INTS2: variants seen among roughly 807,000 people sequenced by gnomAD.
INTS2 encodes integrator complex subunit 2, also known as KIAA1287.
INTS2 carries 57 observed loss-of-function variants against 139.6 expected under a neutral mutation model. The ratio of observed to expected loss-of-function variants is 0.41; its 90% CI spans 0.33 to 0.51. INTS2 has a LOEUF of 0.51. Ranked by LOEUF, INTS2 falls within the 20% of genes least tolerant of loss-of-function variation. The pLI is 0.28. For synonymous variants in INTS2, 473 were observed against 493.4 expected, an observed-to-expected ratio of 0.96 and a Z score of 0.55; for missense variants, 1,196 against 1,436.7, an observed-to-expected ratio of 0.83 and a Z score of 2.71.
Position 61,872,937 on chromosome 17 carries a change from C to G in INTS2, c.2583-477G>C, listed in dbSNP as rs568432675. On this transcript the variant is annotated intron_variant, in intron 19 of 24. Transcript: ENST00000251334. The surrounding 1 kb of genome is among the most constrained non-coding windows in gnomAD (Gnocchi z 4.8). ...TATTTTCACCTATCAAATTGGAAAA[C>G]ATTATATCAAATAGTGCAGGAAAGT... 2.1e-3 allele frequency among the ~76,000 whole-genome samples: 326 copies of G among 152,162 alleles called. 1 individual carries two copies. Among genetic ancestry groups the G allele is most frequent in the Non-Finnish European group, 3.6e-3 (246 of 68,002 alleles).
rs1313358792 is a variant in INTS2 at position 61,893,705 on chromosome 17, A to AT, written c.1698+59_1698+60insA. ...GCAAGACTCCATCTCAAAAGAAAAAAAATATATATATAAAAATGTAGGGGC... is the reference window on the plus strand; with the variant it reads ...GCAAGACTCCATCTCAAAAGAAAAAATAATATATATATAAAAATGTAGGGGC... On this transcript the variant is annotated intron_variant, in intron 13 of 24. Coordinates refer to ENST00000251334, the MANE Select transcript of INTS2 (RefSeq NM_001351695.2). This position sits in a 1 kb window ranked among gnomAD's most constrained non-coding sequence, Gnocchi z 5.4. 3.0e-5 allele frequency: 39 copies of AT among 1,287,984 alleles called. No individual in the cohort carries two copies. In the South Asian group the frequency reaches 4.8e-4, roughly 16 times the overall value. 79.8% of individuals were successfully genotyped at this position (1,287,984 alleles called of 1,614,324 possible).
Position 61,867,931 on chromosome 17 carries a change from G to A in INTS2, c.3323C>T (p.Pro1108Leu). 6.2e-7 allele frequency: 1 copy of A among 1,612,344 alleles called. No individual in the cohort carries two copies. The highest frequency in any genetic ancestry group is 8.5e-7 in the Non-Finnish European group (1 of 1,178,894). Residue 1108 changes from proline (P) to leucine (L), a missense_variant, in exon 24 of 25, where the codon CCA becomes CTA. By Grantham distance (98) the Pro-to-Leu change is moderately conservative (BLOSUM62 -3). Coordinates refer to ENST00000251334, the MANE Select transcript of INTS2 (RefSeq NM_001351695.2). This position sits in a 1 kb window ranked among gnomAD's most constrained non-coding sequence, Gnocchi z 5.6. ...CAAAGACATAATATCCTCATACAAT[G>A]GAGGAAATGCTCGACAAAAAGAGAC... ...SLVSFCRAFP[P>L]LYEDIMSLLI...
intron 3 of INTS2, among the ~76,000 whole-genome samples, chr17:61,922,543 T>TATATATATATATATATATAC (rs1240177230): frequency 8.0e-6 from 1 of 125,678 alleles, no homozygotes; most frequent in African/African-American, 2.9e-5. Flanking sequence ...TATATATATA[T>TATATATATATATATATATAC]ATACGTGTTC....
rs1263090439 is a variant in INTS2 at position 61,872,059 on chromosome 17, A to G, written c.2778+206T>C. ...TTTAAATGGCTATTTCATTCATATC[A>G]TGAAGATTATTCCTGATTTCAGAAA... On this transcript the variant is annotated intron_variant, in intron 20 of 24. Coordinates refer to ENST00000251334, the MANE Select transcript of INTS2 (RefSeq NM_001351695.2). This position sits in a 1 kb window ranked among gnomAD's most constrained non-coding sequence, Gnocchi z 4.8. The G allele has an allele frequency of 2.5e-6, 1 of 403,262 alleles. No individual in the cohort carries two copies. The highest frequency in any genetic ancestry group is 4.4e-6 in the Non-Finnish European group (1 of 227,890). The allele number at this position is 403,262 out of a possible 1,614,324, so 25.0% of individuals were successfully genotyped here.
rs1310290943 is a variant in INTS2, at chr17:61,875,561, C to A, written c.2457-523G>T. On this transcript the variant is annotated intron_variant, in intron 18 of 24. Coordinates refer to ENST00000251334, the MANE Select transcript of INTS2 (RefSeq NM_001351695.2). The surrounding 1 kb of genome is among the most constrained non-coding windows in gnomAD (Gnocchi z 4.6). The stretch of plus-strand genomic sequence containing the variant: ...AGTGGTTACTAAAATGACTGCACAT[C>A]ATAATTACTAAGGGTTATGCAAATA... Among the ~76,000 whole-genome samples the A allele has an allele frequency of 6.6e-6, 1 of 152,116 alleles. No homozygotes were observed. The highest frequency in any genetic ancestry group is 1.5e-5 in the Non-Finnish European group (1 of 68,028).
rs775428874 is a variant in INTS2 at position 61,881,063 on chromosome 17, C to T, written c.2198G>A (p.Arg733Gln). 3.1e-6 allele frequency: 5 copies of T among 1,613,676 alleles called. No homozygotes were observed. Among genetic ancestry groups the T allele is most frequent in the Middle Eastern group, 1.6e-4 (1 of 6,084 alleles). ...AGCATTATTAGTCAGGAGCATTCGC[C>T]GTAGCAGGGCATCAGTCCCTGTGAT... ...EEITGTDALLRRMLLTNNAKN... is the reference protein window; with the variant it reads ...EEITGTDALLQRMLLTNNAKN... Residue 733 changes from arginine to glutamine, a missense_variant, in exon 17 of 25, where the codon CGG becomes CAG. By Grantham distance (43) the Arg-to-Gln change is conservative. Transcript: ENST00000251334.
chr17:61,924,958 C>T lies in INTS2; in HGVS notation c.432+3G>A. 1 of 1,610,856 alleles carries T rather than the reference C, an allele frequency of 6.2e-7. No individual in the cohort carries two copies. The highest frequency in any genetic ancestry group is 8.5e-7 in the Non-Finnish European group (1 of 1,178,462). ...CTTTGAGCTGTGGTTAAAAGAAATG[C>T]ACCTTGTTCATAATTGCCAACAGTT... On this transcript the variant is annotated splice_donor_region_variant and intron_variant, in intron 3 of 24. Transcript: ENST00000251334.
intron 14 of INTS2, among the ~76,000 whole-genome samples, chr17:61,890,142 T>C (rs562827747): frequency 6.6e-6 from 1 of 152,308 alleles, no homozygotes; most frequent in African/African-American, 2.4e-5. Flanking sequence ...CTTCAGCTAC[T>C]ACTCAATAGC....
rs955407321 is a variant in INTS2 at position 61,875,948 on chromosome 17, C to T, written c.2457-910G>A. 2.0e-5 allele frequency among the ~76,000 whole-genome samples: 3 copies of T among 152,076 alleles called. No homozygotes were observed. Among genetic ancestry groups the T allele is most frequent in the Admixed American group, 6.6e-5 (1 of 15,246 alleles). On this transcript the variant is annotated intron_variant, in intron 18 of 24. Coordinates refer to ENST00000251334, the MANE Select transcript of INTS2 (RefSeq NM_001351695.2). This position sits in a 1 kb window ranked among gnomAD's most constrained non-coding sequence, Gnocchi z 4.6. ...CTTTGGGAGGCTGAGGCAGAAGGTT[C>T]GCTTGAGCCCAGGAGTTCAAGACTA...
At chr17:61,919,724 T>G (rs1355651407) in intron 4 of INTS2, among the ~76,000 whole-genome samples, 1 of 151,060 alleles carries the variant, frequency 6.6e-6, no homozygotes, top group Non-Finnish European at 1.5e-5. Flanking sequence ...TGTTAAAGAG[T>G]GATATTTCTT....
At chr17:61,917,732 T>C (rs1278986478) in intron 5 of INTS2, among the ~76,000 whole-genome samples, 2 of 152,088 alleles carry the variant, frequency 1.3e-5, no homozygotes, top group African/African-American at 2.4e-5. Flanking sequence ...TGTCATACAA[T>C]ATACCCATGT....
Position 61,873,089 on chromosome 17 carries a change from T to C in INTS2, c.2583-629A>G, listed in dbSNP as rs928418802. Reference sequence around the variant, plus strand: ...TTGCCCCAATAATTCCATTTTCCCATGTTCTAATGAAATACTCAGCATGGG... The same window carrying C: ...TTGCCCCAATAATTCCATTTTCCCACGTTCTAATGAAATACTCAGCATGGG... On this transcript the variant is annotated intron_variant, in intron 19 of 24. Transcript: ENST00000251334. The surrounding 1 kb of genome is among the most constrained non-coding windows in gnomAD (Gnocchi z 4.0). Among the ~76,000 whole-genome samples, 43 of 152,164 alleles carry C rather than the reference T, an allele frequency of 2.8e-4. No individual in the cohort carries two copies. The highest frequency in any genetic ancestry group is 2.8e-3 in the Admixed American group (43 of 15,266).
At chr17:61,921,037 G>A (rs973329637) in intron 4 of INTS2, among the ~76,000 whole-genome samples, 3 of 151,976 alleles carry the variant, frequency 2.0e-5, no homozygotes, top group South Asian at 4.1e-4. Context: ...CTCCTGCCTC[G>A]GCCTCCCAAA....
At position 61,893,968 on chromosome 17, in the gene INTS2, G is replaced by GT; in HGVS notation, c.1564-70dup. ...TAAAATTATTTTGAAAGAGAGATTA[G>GT]TAAGTAGACTGTCAACACCTAATAC... On this transcript the variant is annotated intron_variant, in intron 12 of 24. Transcript: ENST00000251334. The surrounding 1 kb of genome is among the most constrained non-coding windows in gnomAD (Gnocchi z 5.4). The GT allele has an allele frequency of 9.6e-7, 1 of 1,047,098 alleles. No individual in the cohort carries two copies. The highest frequency in any genetic ancestry group is 2.4e-5 in the Admixed American group (1 of 41,562). 64.9% of individuals were successfully genotyped at this position (1,047,098 alleles called of 1,614,324 possible).
rs1316262175 is a variant in INTS2, at chr17:61,867,606, A to G, written c.3542T>C (p.Ile1181Thr). 1 of 1,610,524 alleles carries G rather than the reference A, an allele frequency of 6.2e-7. No homozygotes were observed. The change falls in exon 25 of 25, where the codon ATT becomes ACT. Residue 1181 changes from isoleucine to threonine, a missense_variant. Physicochemically the swap from Ile to Thr is moderately conservative, Grantham distance 89. This residue lies in a region of INTS2 where 1,129 missense variants were observed against 1,341.9 expected (regional missense o/e 0.84). Transcript: ENST00000251334. The surrounding 1 kb of genome is among the most constrained non-coding windows in gnomAD (Gnocchi z 5.6). ...TATTATTTCAATTACTGTTCTTTCA[A>G]TACAGTGACAGAGCTGTACATCAGG... ...MDPDVQLCHC[I>T]ERTVIEIINM...
rs2079095447 is a variant in INTS2, at chr17:61,872,309, C to T, written c.2734G>A (p.Glu912Lys). The T allele has an allele frequency of 6.2e-7, 1 of 1,612,922 alleles. No homozygotes were observed. Among genetic ancestry groups the T allele is most frequent in the Non-Finnish European group, 8.5e-7 (1 of 1,179,350 alleles). The change falls in exon 20 of 25, where the codon GAA becomes AAA. Residue 912 changes from glutamate to lysine, a missense_variant. By Grantham distance (56) the Glu-to-Lys change is moderately conservative. This residue lies in a region of INTS2 where 1,129 missense variants were observed against 1,341.9 expected (regional missense o/e 0.84). Coordinates refer to ENST00000251334, the MANE Select transcript of INTS2 (RefSeq NM_001351695.2). This position sits in a 1 kb window ranked among gnomAD's most constrained non-coding sequence, Gnocchi z 4.8. ...TTTTTCAATTCTTCCCTGGTAACTT[C>T]CGGAGCATCAGTTTGTCCAACTAAA... Reference protein sequence around the residue: ...IGLVGQTDAPEVTREELKNAL... With the variant: ...IGLVGQTDAPKVTREELKNAL...
At chr17:61,877,225 C>T (rs1042681305) in intron 18 of INTS2, among the ~76,000 whole-genome samples, 2 of 151,842 alleles carry the variant, frequency 1.3e-5, no homozygotes, top group Non-Finnish European at 2.9e-5. Context: ...GATATAAATA[C>T]CAGAATAAAA....
rs2079348242 is a variant in INTS2 at position 61,896,258 on chromosome 17, A to C, written c.1495-875T>G. Among the ~76,000 whole-genome samples the C allele has an allele frequency of 2.0e-5, 3 of 151,378 alleles. 1 individual carries two copies. The highest frequency in any genetic ancestry group is 1.9e-4 in the East Asian group (1 of 5,184). On this transcript the variant is annotated intron_variant, in intron 11 of 24. Coordinates refer to ENST00000251334, the MANE Select transcript of INTS2 (RefSeq NM_001351695.2). Reference sequence around the variant, plus strand: ...CCATCTCAAAAAAAAAAAACAAAAAAAAAACATTTAATATACTACATAAAA... The same window carrying C: ...CCATCTCAAAAAAAAAAAACAAAAACAAAACATTTAATATACTACATAAAA...
intron 3 of INTS2, among the ~76,000 whole-genome samples, chr17:61,923,043 T>C (rs2079664083): frequency 6.6e-6 from 1 of 151,346 alleles, no homozygotes; most frequent in Non-Finnish European, 1.5e-5. Flanking sequence ...ACCATTGCAC[T>C]CCAACCTGGG....
Sources: allele counts gnomAD v4.1 joint callset (sites outside exome capture counted in the v4.1 genomes callset), GRCh38; gene constraint gnomAD v4.1.1; regional missense constraint gnomAD v4.1.1; non-coding constraint Gnocchi (gnomAD v3.1); transcripts MANE v1.5; gene names NCBI Gene and HGNC (gene_info 2026-07-23, HGNC 2026-07-21).